The following DHTKD1 variants were observed in gnomAD, a reference collection of about 807,000 sequenced individuals.
DHTKD1 encodes the protein dehydrogenase E1 and transketolase domain containing 1.
DHTKD1 carries 78 observed loss-of-function variants against 101.8 expected under a neutral mutation model. The ratio of observed to expected loss-of-function variants is 0.77; its 90% CI spans 0.64 to 0.93. The LOEUF (loss-of-function observed/expected upper bound fraction) is 0.93. Ranked by LOEUF, DHTKD1 falls within the 40% of genes least tolerant of loss-of-function variation. The pLI is 0.00. For missense variants in DHTKD1, 1,223 were observed against 1,161.7 expected (o/e 1.05, Z -0.77); for synonymous variants, 462 against 450.3 (o/e 1.03, Z -0.33).
Position 12,081,685 on chromosome 10 carries a change from C to T in DHTKD1, c.310+58C>T, listed in dbSNP as rs1832822056. On this transcript the variant is annotated intron_variant, in intron 2 of 16. Transcript: ENST00000263035. Reference sequence around the variant, plus strand: ...AGCTGCACACCAGGCCAGGCTCCTGCCTCTGTTCTTGAAGAAGCAGCATCC... The same window carrying T: ...AGCTGCACACCAGGCCAGGCTCCTGTCTCTGTTCTTGAAGAAGCAGCATCC... 6 of 1,597,524 alleles carry T rather than the reference C, an allele frequency of 3.8e-6. No homozygotes were observed. The Admixed American group carries it at 5.1e-5, about 14-fold the overall frequency.
chr10:12,120,109 G>T, intron 15 of DHTKD1, 73 bp from the exon 16 acceptor site: 3 of 1,142,894 alleles, frequency 2.6e-6, no homozygotes, highest in Non-Finnish European at 3.9e-6. Flanking sequence ...TCCATCGTAG[G>T]TGGGATCATA....
At chr10:12,079,120 GCT>G (rs780062656) in intron 1 of DHTKD1, among the ~76,000 whole-genome samples, 30 of 152,220 alleles carry the variant, frequency 2.0e-4, no homozygotes, top group Non-Finnish European at 3.5e-4. Flanking sequence ...ATGGGATCTT[GCT>G]CTCTCACCCA....
In DHTKD1 at chr10:12,097,820, A is replaced by G. The variant is rs758577068; in HGVS notation, c.1495A>G (p.Arg499Gly). Residue 499 changes from arginine (R) to glycine (G), a missense_variant, in exon 8 of 17, where the codon AGG becomes GGG. By Grantham distance (125) the Arg-to-Gly change is moderately radical (BLOSUM62 -2). Coordinates refer to ENST00000263035, the MANE Select transcript of DHTKD1 (RefSeq NM_018706.7). ...NDHLNNMAHY[R>G]PPALNLQAHW... ...TCACTTAAATAACATGGCCCACTACAGGCCCCCTGCCCTGAACCTGCAGGC... is the reference window on the plus strand; with the variant it reads ...TCACTTAAATAACATGGCCCACTACGGGCCCCCTGCCCTGAACCTGCAGGC... 6.2e-7 allele frequency: 1 copy of G among 1,614,222 alleles called. No individual in the cohort carries two copies. The highest frequency in any genetic ancestry group is 1.1e-5 in the South Asian group (1 of 91,088).
At chr10:12,100,137 C>T (rs1261670389) in intron 8 of DHTKD1, 41 bp from the exon 9 acceptor site, 13 of 1,197,260 alleles carry the variant, frequency 1.1e-5, no homozygotes, top group Non-Finnish European at 1.4e-5. Context: ...AGGAAATGGA[C>T]TCTTAGACGT....
chr10:12,081,664 GCA>G (rs746398709), intron 2 of DHTKD1, 37 bp downstream of exon 2: 1 of 1,611,538 alleles, frequency 6.2e-7, no homozygotes, highest in Non-Finnish European at 8.5e-7. Flanking sequence ...GCTCGGAGCT[GCA>G]CACCAGGCCA....
intron 15 of DHTKD1, among the ~76,000 whole-genome samples, chr10:12,119,478 T>C (rs539193069): frequency 1.3e-4 from 19 of 149,352 alleles, no homozygotes; most frequent in Admixed American, 2.7e-4. Context: ...TAGCCGGGCG[T>C]GGTGGCGGGC....
In DHTKD1 at chr10:12,097,906, C is replaced by T. The variant is rs1588612349; in HGVS notation, c.1581C>T (p.Pro527=). The T allele has an allele frequency of 1.9e-6, 3 of 1,614,074 alleles. No individual in the cohort carries two copies. Among genetic ancestry groups the T allele is most frequent in the Admixed American group, 1.7e-5 (1 of 59,986 alleles). The part of the protein sequence containing the change: ...AQITTWSTGV[P]LDLLRFVGMK... ...TCACCACCTGGAGTACAGGTGTGCC[C>T]CTCGACCTCCTGCGGTTTGTTGGCA... Residue 527 remains proline (P), a synonymous_variant, in exon 8 of 17, where the codon CCC becomes CCT. Coordinates refer to ENST00000263035, the MANE Select transcript of DHTKD1 (RefSeq NM_018706.7).
chr10:12,121,790 T>C lies in DHTKD1; in HGVS notation c.*902T>C, dbSNP rs925838964. On this transcript the variant is annotated 3_prime_UTR_variant, in exon 17 of 17. Coordinates refer to ENST00000263035, the MANE Select transcript of DHTKD1 (RefSeq NM_018706.7). ...TTAAAAGGAAAGTATGATAGTGTTA[T>C]GGATTTTAGCTCTGAGTGAGCTGGA... The C allele has an allele frequency of 2.0e-5, 3 of 152,186 alleles. No homozygotes were observed. The highest frequency in any genetic ancestry group is 7.2e-5 in the African/African-American group (3 of 41,450). The allele number at this position is 152,186 out of a possible 1,614,324, so 9.4% of individuals were successfully genotyped here. A position where few individuals can be genotyped will look rare whatever the true frequency, so the allele number is the denominator to read the frequency against.
At chr10:12,098,904 C>T (rs1172859674) in intron 8 of DHTKD1, among the ~76,000 whole-genome samples, 5 of 152,200 alleles carry the variant, frequency 3.3e-5, no homozygotes. Flanking sequence ...GGCACGGTGG[C>T]TCCTATCTGT....
Position 12,069,684 on chromosome 10 carries a change from CTTTTTTT to C in DHTKD1, c.154+517_154+523del, listed in dbSNP as rs11292752. Among the ~76,000 whole-genome samples, 6 of 25,484 alleles carry C rather than the reference CTTTTTTT, an allele frequency of 2.4e-4. No individual in the cohort carries two copies. The South Asian group carries it at 0.017, about 74-fold the overall frequency. 16.7% of individuals were successfully genotyped at this position (25,484 alleles called of 152,430 possible). ...GACACAGAGGGATGACCACGCCCAG[CTTTTTTT>C]TTTTTTTTTTTTTTTTTTTCATTTT... On this transcript the variant is annotated intron_variant, in intron 1 of 16. Transcript: ENST00000263035.
At chr10:12,119,801 C>A (rs1270580026) in intron 15 of DHTKD1, among the ~76,000 whole-genome samples, 1 of 152,010 alleles carries the variant, frequency 6.6e-6, no homozygotes, top group Non-Finnish European at 1.5e-5. Flanking sequence ...ACCTGCACAT[C>A]CTGCATGTGT....
chr10:12,120,110 T>C, intron 15 of DHTKD1, 72 bp from the exon 16 acceptor site: 1 of 1,147,132 alleles, frequency 8.7e-7, no homozygotes, highest in Non-Finnish European at 1.3e-6. Flanking sequence ...CCATCGTAGG[T>C]GGGATCATAG....
chr10:12,095,118 C>A (rs1023250426), intron 7 of DHTKD1, among the ~76,000 whole-genome samples: 1 of 152,170 alleles, frequency 6.6e-6, no homozygotes, highest in Non-Finnish European at 1.5e-5. Context: ...CAAACCATAG[C>A]TGCAGACCTG....
intron 1 of DHTKD1, among the ~76,000 whole-genome samples, chr10:12,076,252 C>T (rs1411196918): frequency 1.3e-5 from 2 of 152,152 alleles, no homozygotes; most frequent in Non-Finnish European, 2.9e-5. Context: ...CCGCGGTGGG[C>T]GGATCACGAG....
intron 13 of DHTKD1, among the ~76,000 whole-genome samples, chr10:12,115,614 T>G (rs1056848217): frequency 3.3e-5 from 5 of 152,192 alleles, no homozygotes; most frequent in Non-Finnish European, 7.3e-5. Context: ...TCATTTTTAG[T>G]TCACTTATAG....
Position 12,088,695 on chromosome 10 carries a change from T to C in DHTKD1, c.718-291T>C, listed in dbSNP as rs531103791. On this transcript the variant is annotated intron_variant, in intron 4 of 16. Transcript: ENST00000263035. ...GCCTCCCAGGTTCAAGTGATTCTTA[T>C]GCCTCAGCCTCTCTACTAGCTGGGA... Among the ~76,000 whole-genome samples, 8 of 152,164 alleles carry C rather than the reference T, an allele frequency of 5.3e-5. No individual in the cohort carries two copies. In the East Asian group the frequency reaches 1.6e-3, roughly 30 times the overall value.
intron 12 of DHTKD1, among the ~76,000 whole-genome samples, chr10:12,111,222 A>G (rs1321231941): frequency 2.0e-5 from 3 of 152,072 alleles, no homozygotes; most frequent in Non-Finnish European, 4.4e-5. Flanking sequence ...CTGTAGTGCA[A>G]TGCTGCAGTC....
chr10:12,084,927 T>G (rs1019721962), intron 3 of DHTKD1, among the ~76,000 whole-genome samples, 176 bp downstream of exon 3: 1 of 152,098 alleles, frequency 6.6e-6, no homozygotes, highest in Non-Finnish European at 1.5e-5. Flanking sequence ...GGTGCATGCC[T>G]GTAATCCTAG....
At chr10:12,083,246 C>G (rs974879154) in intron 2 of DHTKD1, among the ~76,000 whole-genome samples, 1 of 151,812 alleles carries the variant, frequency 6.6e-6, no homozygotes, top group African/African-American at 2.4e-5. Context: ...TTGGGCCATA[C>G]ATAAAATACA....
Sources: allele counts gnomAD v4.1 joint callset (sites outside exome capture counted in the v4.1 genomes callset), GRCh38; gene constraint gnomAD v4.1.1; transcripts MANE v1.5; gene names NCBI Gene and HGNC (gene_info 2026-07-23, HGNC 2026-07-21).